Variants in NRCAM observed in about 807,000 individuals in gnomAD.
The protein encoded by NRCAM is neuronal cell adhesion molecule.
In NRCAM, 83 loss-of-function variants were observed where a neutral mutation model predicts 156.5. The ratio of observed to expected loss-of-function variants is 0.53; its 90% CI spans 0.44 to 0.64. The LOEUF (loss-of-function observed/expected upper bound fraction) is 0.64. Among genes scored for constraint, NRCAM ranks in the 30% least tolerant of loss-of-function variants. The pLI is 0.00. For synonymous variants in NRCAM, 538 were observed against 563.9 expected (o/e 0.95, Z 0.65); for missense variants, 1,417 against 1,597.3 (o/e 0.89, Z 1.92).
At chr7:108,254,111 CA>C (rs1489487156) in intron 3 of NRCAM, among the ~76,000 whole-genome samples, 1 of 151,730 alleles carries the variant, frequency 6.6e-6, no homozygotes, top group Non-Finnish European at 1.5e-5. Context: ...GCTATGACAC[CA>C]AAAGAAAAAA....
chr7:108,184,481 T>C lies in NRCAM; in HGVS notation c.2169A>G (p.Ala723=). 1.9e-6 allele frequency: 3 copies of C among 1,614,214 alleles called. No individual in the cohort carries two copies. The highest frequency in any genetic ancestry group is 1.6e-4 in the Middle Eastern group (1 of 6,062). The part of the protein sequence containing the change: ...PYVNYSFRVM[A]VNSIGKSLPS... ...GCAAGCTCTTCCCAATGCTGTTCAC[T>C]GCCATCACGCGGAAGGAGTAGTTCA... is the stretch of plus-strand genomic sequence containing the variant. The change falls in exon 21 of 33, where the codon GCA becomes GCG. Residue 723 remains alanine (A), a synonymous_variant. Transcript: ENST00000379028.
At chr7:108,429,261 G>C (rs1821646715) in intron 1 of NRCAM, among the ~76,000 whole-genome samples, 2 of 151,928 alleles carry the variant, frequency 1.3e-5, no homozygotes, top group South Asian at 4.2e-4. Flanking sequence ...GCACGATCTT[G>C]GCTCACTGCA....
chr7:108,355,721 T>C (rs2099489832), intron 2 of NRCAM, among the ~76,000 whole-genome samples: 1 of 152,168 alleles, frequency 6.6e-6, no homozygotes, highest in Non-Finnish European at 1.5e-5. Flanking sequence ...TGTTAGTCAT[T>C]TATATGATCT....
At chr7:108,370,323 C>G (rs961626431) in intron 2 of NRCAM, among the ~76,000 whole-genome samples, 1 of 152,128 alleles carries the variant, frequency 6.6e-6, no homozygotes, top group African/African-American at 2.4e-5. Flanking sequence ...GGAGGGCTTT[C>G]TTTGCGTCTT....
intron 2 of NRCAM, among the ~76,000 whole-genome samples, chr7:108,339,758 G>A (rs975309162): frequency 3.9e-5 from 6 of 152,238 alleles, no homozygotes; most frequent in African/African-American, 9.6e-5. Flanking sequence ...AATGCTCGTC[G>A]GAAAATGACT....
intron 2 of NRCAM, among the ~76,000 whole-genome samples, chr7:108,384,260 C>A (rs927242652): frequency 6.6e-6 from 1 of 151,662 alleles, no homozygotes; most frequent in African/African-American, 2.4e-5. Flanking sequence ...GTCAAAAAAA[C>A]CCAATAATAA....
chr7:108,171,628 C>CA (rs138108069), intron 28 of NRCAM, among the ~76,000 whole-genome samples: 11 of 151,642 alleles, frequency 7.3e-5, no homozygotes, highest in East Asian at 3.9e-4. Context: ...TCCTGCTTGG[C>CA]AAAAAAAATG....
In NRCAM at chr7:108,241,402, G is replaced by A. The variant is rs1237827738; in HGVS notation, c.-106-1232C>T. Among the ~76,000 whole-genome samples, 5 of 152,252 alleles carry A rather than the reference G, an allele frequency of 3.3e-5. 1 individual carries two copies. In the Middle Eastern group the frequency reaches 0.01, roughly 311 times the overall value. ...TACCTGAAATGATAGGTTTAATCAT[G>A]TCCTCTCATTCATGAAGAGAAGTGG... On this transcript the variant is annotated intron_variant, in intron 3 of 32. Transcript: ENST00000379028.
intron 2 of NRCAM, among the ~76,000 whole-genome samples, chr7:108,399,041 A>G (rs1327888175): frequency 6.6e-6 from 1 of 152,212 alleles, no homozygotes; most frequent in East Asian, 1.9e-4. Context: ...TAAAAGTTAT[A>G]TCGTTTGATC....
At chr7:108,177,533 G>A (rs1169890530) in intron 26 of NRCAM, among the ~76,000 whole-genome samples, 1 of 151,954 alleles carries the variant, frequency 6.6e-6, no homozygotes, top group Non-Finnish European at 1.5e-5. Context: ...TGACGGAGGA[G>A]AATGGTGTGA....
intron 3 of NRCAM, among the ~76,000 whole-genome samples, chr7:108,286,231 T>C (rs1224375557): frequency 3.3e-5 from 5 of 152,192 alleles, no homozygotes; most frequent in Admixed American, 3.3e-4. Flanking sequence ...TGGCTCAAAA[T>C]AGGAAAAGGG....
At chr7:108,231,681 T>C (rs2094353401) in intron 7 of NRCAM, among the ~76,000 whole-genome samples, 1 of 152,160 alleles carries the variant, frequency 6.6e-6, no homozygotes, top group African/African-American at 2.4e-5. Context: ...ATAGAAAGAA[T>C]ATTTCAGCAG....
rs1272170242 is a variant in NRCAM, at chr7:108,456,253, CG to C, written c.-343del. 6.6e-6 allele frequency: 1 copy of C among 152,456 alleles called. No individual in the cohort carries two copies. Among genetic ancestry groups the C allele is most frequent in the Non-Finnish European group, 1.5e-5 (1 of 68,288 alleles). 9.4% of individuals were successfully genotyped at this position (152,456 alleles called of 1,614,324 possible). On this transcript the variant is annotated 5_prime_UTR_variant, in exon 1 of 33. Transcript: ENST00000379028. ...CAAGGAGCTACTTACGTTCTCGCGC[CG>C]CGCCCTCCGCTCAGCTCTGGCGCGA...
intron 3 of NRCAM, among the ~76,000 whole-genome samples, chr7:108,288,086 A>G (rs982461576): frequency 2.0e-5 from 3 of 152,174 alleles, no homozygotes; most frequent in Admixed American, 6.5e-5. Context: ...TGTCTTTTGC[A>G]GCAGAATGGA....
At chr7:108,313,484 C>T (rs1439054359) in intron 2 of NRCAM, among the ~76,000 whole-genome samples, 1 of 152,112 alleles carries the variant, frequency 6.6e-6, no homozygotes, top group East Asian at 1.9e-4. Flanking sequence ...TCTGAAAAAC[C>T]CTTCAGAGAA....
At chr7:108,354,980 C>T (rs1230697764) in intron 2 of NRCAM, among the ~76,000 whole-genome samples, 1 of 151,936 alleles carries the variant, frequency 6.6e-6, no homozygotes, top group Admixed American at 6.6e-5. Flanking sequence ...ACAAACTATC[C>T]AGGAATAAAT....
At chr7:108,334,964 T>C (rs984240190) in intron 2 of NRCAM, among the ~76,000 whole-genome samples, 40 of 152,186 alleles carry the variant, frequency 2.6e-4, no homozygotes, top group African/African-American at 9.7e-4. Context: ...GGTTATGTAA[T>C]AAAAGGTAGC....
intron 3 of NRCAM, among the ~76,000 whole-genome samples, chr7:108,253,885 T>C (rs2096496498): frequency 6.6e-6 from 1 of 152,106 alleles, no homozygotes; most frequent in South Asian, 2.1e-4. Context: ...GGGGCCAAGT[T>C]ACAATTATTT....
intron 2 of NRCAM, among the ~76,000 whole-genome samples, chr7:108,332,923 TAAG>T (rs960534811): frequency 1.2e-4 from 19 of 152,064 alleles, no homozygotes; most frequent in African/African-American, 4.3e-4. Flanking sequence ...GAGATAGAAA[TAAG>T]AAGAGAAAAA....
Sources: gnomAD v4.1 joint callset for allele counts (sites outside exome capture counted in the v4.1 genomes callset) on GRCh38, gnomAD v4.1.1 for gene constraint, MANE v1.5 for transcripts, NCBI Gene and HGNC (gene_info 2026-07-23, HGNC 2026-07-21) for gene names.